Variants in CA12 observed in about 807,000 individuals in gnomAD.
CA12 encodes the protein carbonate dehydratase XII.
CA12 carries 36 observed loss-of-function variants against 46.8 expected under a neutral mutation model. That is an observed-to-expected ratio of 0.77 (90% CI 0.59 to 1.02). CA12 has a LOEUF of 1.02. CA12 is among the 50% of genes least tolerant of loss of function. The pLI is 0.00. For missense variants in CA12, 436 were observed against 451.4 expected (o/e 0.97, Z 0.31); for synonymous variants, 202 against 187.0 (o/e 1.08, Z -0.65).
chr15:63,340,483 C>T lies in CA12; in HGVS notation c.590-38G>A, dbSNP rs769930721. 1.2e-6 allele frequency: 2 copies of T among 1,613,204 alleles called. No individual in the cohort carries two copies. The highest frequency in any genetic ancestry group is 1.3e-5 in the African/African-American group (1 of 75,034). ...GTTGCAGAGGTGATAGTGTCAGCCT[C>T]CCTCCGTAGGGCATAAGTGCAGCTG... is the stretch of plus-strand genomic sequence containing the variant. On this transcript the variant is annotated intron_variant, in intron 6 of 10. Transcript: ENST00000178638. The surrounding 1 kb of genome is among the most constrained non-coding windows in gnomAD (Gnocchi z 4.4).
At position 63,381,626 on chromosome 15, in the gene CA12, G is replaced by C; in HGVS notation, c.85+10C>G. Reference sequence around the variant, plus strand: ...AGGAGTGTTAGGAAAGAAGCAGGCGGAAACTTTACCGTTCACTGGGGCCGG... The same window carrying C: ...AGGAGTGTTAGGAAAGAAGCAGGCGCAAACTTTACCGTTCACTGGGGCCGG... On this transcript the variant is annotated intron_variant, in intron 1 of 10. Coordinates refer to ENST00000178638, the MANE Select transcript of CA12 (RefSeq NM_001218.5). The C allele has an allele frequency of 6.2e-7, 1 of 1,608,370 alleles. No individual in the cohort carries two copies. Among genetic ancestry groups the C allele is most frequent in the South Asian group, 1.1e-5 (1 of 89,724 alleles).
chr15:63,363,616 A>C (rs1475388191), intron 2 of CA12, among the ~76,000 whole-genome samples: 1 of 152,226 alleles, frequency 6.6e-6, no homozygotes, highest in East Asian at 1.9e-4. Flanking sequence ...AAAAGCCACC[A>C]TTGATTAAAC....
At position 63,327,707 on chromosome 15, in the gene CA12, CAGTTTTGCCCCCA is replaced by C. The variant is rs2038886311; in HGVS notation, c.907+378_907+390del. 6.6e-6 allele frequency among the ~76,000 whole-genome samples: 1 copy of C among 152,156 alleles called. No individual in the cohort carries two copies. The highest frequency in any genetic ancestry group is 2.1e-4 in the South Asian group (1 of 4,822). ...TTTAAGGCCCATTGGCTGTCTCCAT[CAGTTTTGCCCCCA>C]AGTTCCATTGCACAGTCCTAAGCAG... On this transcript the variant is annotated intron_variant, in intron 9 of 10. Transcript: ENST00000178638. The surrounding 1 kb of genome is among the most constrained non-coding windows in gnomAD (Gnocchi z 4.5).
Position 63,339,936 on chromosome 15 carries a change from T to G in CA12, c.747+352A>C, listed in dbSNP as rs2039054121. The G allele has an allele frequency of 2.8e-6, 1 of 354,764 alleles. No homozygotes were observed. Among genetic ancestry groups the G allele is most frequent in the African/African-American group, 2.1e-5 (1 of 47,220 alleles). 22.0% of individuals were successfully genotyped at this position (354,764 alleles called of 1,614,324 possible). A position where few individuals can be genotyped will look rare whatever the true frequency, so the allele number is the denominator to read the frequency against. Reference sequence around the variant, plus strand: ...TTAGTCATTGCTGCAATCCCATCTCTTAAATGATTTCATCTGATCCTGTCT... The same window carrying G: ...TTAGTCATTGCTGCAATCCCATCTCGTAAATGATTTCATCTGATCCTGTCT... On this transcript the variant is annotated intron_variant, in intron 7 of 10. Transcript: ENST00000178638. The surrounding 1 kb of genome is among the most constrained non-coding windows in gnomAD (Gnocchi z 4.3).
At position 63,326,008 on chromosome 15, in the gene CA12, A is replaced by G; in HGVS notation, c.*277T>C. ...CCAGCATGGCTTGGTTTGTGATTCC[A>G]GAATTCAGACCACTTCACAATCTCA... is the stretch of plus-strand genomic sequence containing the variant. On this transcript the variant is annotated 3_prime_UTR_variant, in exon 11 of 11. Transcript: ENST00000178638. The G allele has an allele frequency of 2.2e-6, 1 of 462,342 alleles. No individual in the cohort carries two copies. Among genetic ancestry groups the G allele is most frequent in the East Asian group, 3.9e-5 (1 of 25,370 alleles). 28.6% of individuals were successfully genotyped at this position (462,342 alleles called of 1,614,324 possible).
chr15:63,344,270 T>C (rs1405682951), intron 4 of CA12, among the ~76,000 whole-genome samples: 1 of 152,176 alleles, frequency 6.6e-6, no homozygotes, highest in Non-Finnish European at 1.5e-5. Context: ...TTTTAAACAT[T>C]TCTCCCTCTT....
intron 8 of CA12, among the ~76,000 whole-genome samples, chr15:63,332,985 A>C (rs2038955149): frequency 6.6e-6 from 1 of 152,204 alleles, no homozygotes; most frequent in Non-Finnish European, 1.5e-5. Context: ...TGTGGTAATA[A>C]TTACTCTATG....
rs2038790191 is a variant in CA12 at position 63,321,500 on chromosome 15, A to G, written c.*4785T>C. On this transcript the variant is annotated 3_prime_UTR_variant, in exon 11 of 11. Transcript: ENST00000178638. This position sits in a 1 kb window ranked among gnomAD's most constrained non-coding sequence, Gnocchi z 4.5. ...GGAGCCCGGGGACACCCTCGGTGGC[A>G]TTGTCGGGCCACATACCTTTCCCCT... 1 of 152,258 alleles carries G rather than the reference A, an allele frequency of 6.6e-6. No individual in the cohort carries two copies. The highest frequency in any genetic ancestry group is 2.1e-4 in the South Asian group (1 of 4,838). The allele number at this position is 152,258 out of a possible 1,614,324, so 9.4% of individuals were successfully genotyped here.
At position 63,345,454 on chromosome 15, in the gene CA12, G is replaced by A. The variant is rs2039133124; in HGVS notation, c.429+23C>T. ...CACCACCCACTGCAGAGCAGCCTCT[G>A]CCAGACTGGCAGCCCTACTTACCTC... On this transcript the variant is annotated intron_variant, in intron 4 of 10. Coordinates refer to ENST00000178638, the MANE Select transcript of CA12 (RefSeq NM_001218.5). This position sits in a 1 kb window ranked among gnomAD's most constrained non-coding sequence, Gnocchi z 4.3. The A allele has an allele frequency of 6.2e-7, 1 of 1,603,042 alleles. No individual in the cohort carries two copies.
At chr15:63,332,435 C>A (rs2038948482) in intron 8 of CA12, among the ~76,000 whole-genome samples, 1 of 152,172 alleles carries the variant, frequency 6.6e-6, no homozygotes, top group East Asian at 1.9e-4. Context: ...GAATGCAGCC[C>A]CTGCAGACAG....
chr15:63,364,342 A>AAAAAC (rs1189737213), intron 2 of CA12, among the ~76,000 whole-genome samples: 2 of 149,168 alleles, frequency 1.3e-5, no homozygotes, highest in Non-Finnish European at 3.0e-5. Context: ...GAAAAAAAAA[A>AAAAAC]AAAAAAAAAA....
rs2038797213 is a variant in CA12, at chr15:63,322,015, G to A, written c.*4270C>T. ...GCAGAACCCTCAGTCTCTGAAAGTC[G>A]GGTTCGTCGTCCGGGTCTGCGCAGG... On this transcript the variant is annotated 3_prime_UTR_variant, in exon 11 of 11. Transcript: ENST00000178638. This position sits in a 1 kb window ranked among gnomAD's most constrained non-coding sequence, Gnocchi z 4.1. The A allele has an allele frequency of 6.6e-6, 1 of 152,230 alleles. No individual in the cohort carries two copies. Among genetic ancestry groups the A allele is most frequent in the South Asian group, 2.1e-4 (1 of 4,826 alleles). 9.4% of individuals were successfully genotyped at this position (152,230 alleles called of 1,614,324 possible). A position where few individuals can be genotyped will look rare whatever the true frequency, so the allele number is the denominator to read the frequency against.
At position 63,348,249 on chromosome 15, in the gene CA12, C is replaced by T. The variant is rs909591189; in HGVS notation, c.107-1540G>A. 2.0e-5 allele frequency among the ~76,000 whole-genome samples: 3 copies of T among 152,202 alleles called. No individual in the cohort carries two copies. The highest frequency in any genetic ancestry group is 4.4e-5 in the Non-Finnish European group (3 of 68,036). On this transcript the variant is annotated intron_variant, in intron 2 of 10. Transcript: ENST00000178638. The surrounding 1 kb of genome is among the most constrained non-coding windows in gnomAD (Gnocchi z 4.6). The stretch of plus-strand genomic sequence containing the variant: ...ACCTTTCACTGGACACCAGTCTTCT[C>T]ACTTGGGCATGGCAGAGTCTCCGCT...
intron 2 of CA12, among the ~76,000 whole-genome samples, chr15:63,361,138 T>C (rs2039357525): frequency 6.6e-6 from 1 of 152,130 alleles, no homozygotes. Flanking sequence ...GGTAGCTCTT[T>C]GATAGACCCT....
intron 2 of CA12, 89 bp from the exon 3 acceptor site, chr15:63,346,798 C>T (rs1595782195): frequency 1.4e-6 from 2 of 1,380,484 alleles, no homozygotes; most frequent in East Asian, 2.3e-5. Flanking sequence ...ACAATTACTC[C>T]TTTTCTCCTC....
intron 4 of CA12, 88 bp from the exon 5 acceptor site, chr15:63,342,185 G>C: frequency 2.4e-6 from 2 of 839,008 alleles, no homozygotes; most frequent in South Asian, 2.8e-5. Flanking sequence ...CAACTGTGAG[G>C]ACAGAACCCC....
intron 2 of CA12, among the ~76,000 whole-genome samples, chr15:63,349,228 C>T (rs11634841): frequency 0.15 from 22,913 of 152,158 alleles, 2,065 homozygotes; most frequent in Admixed American, 0.26. Flanking sequence ...CTCTTAAGCT[C>T]TGATATTTAT....
At chr15:63,363,205 A>G (rs1020428577) in intron 2 of CA12, among the ~76,000 whole-genome samples, 12 of 152,152 alleles carry the variant, frequency 7.9e-5, no homozygotes, top group African/African-American at 2.7e-4. Context: ...TTCACCAAAA[A>G]CAAATCTAAG....
intron 2 of CA12, among the ~76,000 whole-genome samples, chr15:63,367,710 T>C: frequency 6.6e-6 from 1 of 152,198 alleles, no homozygotes; most frequent in East Asian, 1.9e-4. Flanking sequence ...ATCTACGTAT[T>C]TGGAGTTACA....
Sources: allele counts gnomAD v4.1 joint callset (sites outside exome capture counted in the v4.1 genomes callset), GRCh38; gene constraint gnomAD v4.1.1; non-coding constraint Gnocchi (gnomAD v3.1); transcripts MANE v1.5; gene names NCBI Gene and HGNC (gene_info 2026-07-23, HGNC 2026-07-21).